Variants in KYAT1 observed in about 807,000 individuals in gnomAD.
KYAT1 encodes kynurenine aminotransferase 1, also known as kynurenine--oxoglutarate transaminase 1.
A neutral mutation model predicts 52.4 loss-of-function variants in KYAT1; 47 were observed. That is an observed-to-expected ratio of 0.90 (90% CI 0.71 to 1.14). The LOEUF (loss-of-function observed/expected upper bound fraction) is 1.14. Among genes scored for constraint, KYAT1 ranks in the 50% most tolerant of loss-of-function variants. The pLI is 0.00. For missense variants in KYAT1, 480 were observed against 557.9 expected, an observed-to-expected ratio of 0.86 and a Z score of 1.41; for synonymous variants, 212 against 209.6, an observed-to-expected ratio of 1.01 and a Z score of -0.10.
chr9:128,846,899 G>A (rs1232488779), intron 1 of KYAT1: 116 of 1,503,520 alleles, frequency 7.7e-5, no homozygotes, highest in Non-Finnish European at 1.0e-4. Flanking sequence ...ATTTTGCTCA[G>A]TTCCACCTCG....
chr9:128,844,692 G>A (rs937796239), intron 2 of KYAT1, among the ~76,000 whole-genome samples: 4 of 146,900 alleles, frequency 2.7e-5, no homozygotes, highest in African/African-American at 1.0e-4. Context: ...TCTGTCTTGC[G>A]GGGGAAAAGA....
At chr9:128,855,710 T>C (rs944703164) in intron 1 of KYAT1, among the ~76,000 whole-genome samples, 2 of 152,098 alleles carry the variant, frequency 1.3e-5, no homozygotes, top group Non-Finnish European at 2.9e-5. Context: ...GATCCCTGTG[T>C]CCATGGACCG....
At chr9:128,844,148 G>A (rs1020836709) in intron 2 of KYAT1, among the ~76,000 whole-genome samples, 1 of 152,200 alleles carries the variant, frequency 6.6e-6, no homozygotes, top group African/African-American at 2.4e-5. Context: ...GAGAAAGGCT[G>A]GGAAGCTGGA....
Position 128,866,978 on chromosome 9 carries a change from G to A in KYAT1, c.-7+14919C>T, listed in dbSNP as rs902908959. The stretch of plus-strand genomic sequence containing the variant: ...CATAATTAGTGATACGTAAATGAAA[G>A]CGAAGTACTATTTTTTGCCTCTCAG... On this transcript the variant is annotated intron_variant, in intron 1 of 12. Transcript: ENST00000302586. 2.0e-5 allele frequency among the ~76,000 whole-genome samples: 3 copies of A among 151,922 alleles called. No homozygotes were observed. The East Asian group carries it at 5.8e-4, about 29-fold the overall frequency.
intron 1 of KYAT1, among the ~76,000 whole-genome samples, chr9:128,864,278 A>C (rs1260817953): frequency 1.4e-5 from 2 of 145,946 alleles, no homozygotes; most frequent in Non-Finnish European, 3.0e-5. Context: ...AGGCAGGAGA[A>C]TGTTGTGAAC....
At chr9:128,840,625 T>A (rs1236518801) in intron 3 of KYAT1, 2 of 444,122 alleles carry the variant, frequency 4.5e-6, no homozygotes. Flanking sequence ...ATGATTTTTT[T>A]TTTTTTTGGA....
At chr9:128,847,607 C>T in intron 1 of KYAT1, 2 of 913,212 alleles carry the variant, frequency 2.2e-6, no homozygotes, top group Non-Finnish European at 3.3e-6. Context: ...CCAGAAAATG[C>T]CTCCGAGCTC....
rs776109397 is a variant in KYAT1, at chr9:128,835,702, C to T, written c.856-35G>A. ...GCAGATGGACACACAGATAGATCAG[C>T]TGTTCCCTGACGCGGGGGCCAGCCT... On this transcript the variant is annotated intron_variant, in intron 9 of 12. Coordinates refer to ENST00000302586, the MANE Select transcript of KYAT1 (RefSeq NM_004059.5). 6.8e-6 allele frequency: 11 copies of T among 1,606,994 alleles called. No individual in the cohort carries two copies. In the South Asian group the frequency reaches 8.8e-5, roughly 13 times the overall value.
intron 1 of KYAT1, among the ~76,000 whole-genome samples, chr9:128,848,984 A>G (rs1377162990): frequency 6.6e-6 from 1 of 151,858 alleles, no homozygotes; most frequent in Non-Finnish European, 1.5e-5. Context: ...GTGTGGTGGC[A>G]CATGACTGTA....
intron 1 of KYAT1, among the ~76,000 whole-genome samples, chr9:128,850,249 AAG>A (rs760597064): frequency 6.6e-6 from 1 of 152,042 alleles, no homozygotes; most frequent in African/African-American, 2.4e-5. Flanking sequence ...AGGGAAAAGA[AAG>A]AGAGATCAGA....
At chr9:128,862,622 GC>G (rs1382577923) in intron 1 of KYAT1, among the ~76,000 whole-genome samples, 1 of 152,246 alleles carries the variant, frequency 6.6e-6, no homozygotes, top group Non-Finnish European at 1.5e-5. Flanking sequence ...GAAAGGCGGT[GC>G]CTTCTGTGTG....
intron 1 of KYAT1, among the ~76,000 whole-genome samples, chr9:128,869,264 C>T (rs1186703835): frequency 6.6e-6 from 1 of 152,102 alleles, no homozygotes; most frequent in East Asian, 1.9e-4. Context: ...CGGGTTCACA[C>T]CATTCTCCTG....
chr9:128,866,171 A>T (rs1836342815), intron 1 of KYAT1, among the ~76,000 whole-genome samples: 1 of 152,206 alleles, frequency 6.6e-6, no homozygotes, highest in African/African-American at 2.4e-5. Context: ...CAATCTAATC[A>T]AGGAGACAAA....
Position 128,847,651 on chromosome 9 carries a change from TAACAACAACAAC to T in KYAT1, c.-6-2252_-6-2241del, listed in dbSNP as rs3834884. On this transcript the variant is annotated intron_variant, in intron 1 of 12. Transcript: ENST00000302586. Reference sequence around the variant, plus strand: ...GGTCCCCCACACACAGCTCTAACAATAACAACAACAACAACAACAACAACAACAACAATATGG... The same window carrying T: ...GGTCCCCCACACACAGCTCTAACAATAACAACAACAACAACAACAATATGG... 2.2e-4 allele frequency: 121 copies of T among 554,580 alleles called. 1 individual carries two copies. Among genetic ancestry groups the T allele is most frequent in the Non-Finnish European group, 3.1e-4 (97 of 311,822 alleles). 34.4% of individuals were successfully genotyped at this position (554,580 alleles called of 1,614,324 possible).
chr9:128,854,707 T>C (rs541530745), intron 1 of KYAT1, among the ~76,000 whole-genome samples: 10 of 152,370 alleles, frequency 6.6e-5, no homozygotes, highest in African/African-American at 2.2e-4. Context: ...ACTGGGCCTA[T>C]GTGCCTTTCC....
At chr9:128,877,500 G>A (rs2130852490) in intron 1 of KYAT1, among the ~76,000 whole-genome samples, 1 of 152,352 alleles carries the variant, frequency 6.6e-6, no homozygotes, top group East Asian at 1.9e-4. Flanking sequence ...CTCCAGCTGT[G>A]ATTCAAACCC....
Position 128,837,865 on chromosome 9 carries a change from G to T in KYAT1, c.439-52C>A, listed in dbSNP as rs529652594. The T allele has an allele frequency of 1.9e-6, 3 of 1,601,376 alleles. No individual in the cohort carries two copies. The Admixed American group carries it at 5.0e-5, about 27-fold the overall frequency. On this transcript the variant is annotated intron_variant, in intron 5 of 12. Coordinates refer to ENST00000302586, the MANE Select transcript of KYAT1 (RefSeq NM_004059.5). Reference sequence around the variant, plus strand: ...TACCACTTAACCACCTGACATGCAGGTCTTCCCCAGCATCTATCCCCACCT... The same window carrying T: ...TACCACTTAACCACCTGACATGCAGTTCTTCCCCAGCATCTATCCCCACCT...
chr9:128,854,340 G>T (rs968307613), intron 1 of KYAT1, among the ~76,000 whole-genome samples: 2 of 151,918 alleles, frequency 1.3e-5, no homozygotes, highest in Non-Finnish European at 2.9e-5. Flanking sequence ...ACATTTTACT[G>T]GTAAAAAGAA....
chr9:128,833,866 G>T, intron 11 of KYAT1, 40 bp from the exon 12 acceptor site: 1 of 1,559,552 alleles, frequency 6.4e-7, no homozygotes, highest in Non-Finnish European at 8.8e-7. Flanking sequence ...CGGCCTCGTG[G>T]CCCAGCAGGC....
Sources: gnomAD v4.1 joint callset for allele counts (sites outside exome capture counted in the v4.1 genomes callset) on GRCh38, gnomAD v4.1.1 for gene constraint, MANE v1.5 for transcripts, NCBI Gene and HGNC (gene_info 2026-07-23, HGNC 2026-07-21) for gene names.